Variants in EXOG observed in about 807,000 individuals in gnomAD.
The protein encoded by EXOG is exo/endonuclease G, also known as nuclease EXOG, mitochondrial.
In EXOG, 27 loss-of-function variants were observed where a neutral mutation model predicts 25.8. The observed-to-expected ratio is 1.05, with a 90% confidence interval of 0.77 to 1.45. EXOG has a LOEUF of 1.45. Ranked by LOEUF, EXOG falls within the 40% of genes most tolerant of loss-of-function variation. The pLI, the probability that EXOG is intolerant of heterozygous loss-of-function variation, is 0.00. For missense variants in EXOG, 458 were observed against 450.5 expected (o/e 1.02, Z -0.15); for synonymous variants, 133 against 167.0 (o/e 0.80, Z 1.57).
chr3:38,524,420 C>CT lies in EXOG; in HGVS notation c.*59dup. Reference sequence around the variant, plus strand: ...ATGAAGCAGGCATGCCCTCTTTAGGCTAACATATTTTAGTGGCTTTGCTTT... The same window carrying CT: ...ATGAAGCAGGCATGCCCTCTTTAGGCTTAACATATTTTAGTGGCTTTGCTTT... On this transcript the variant is annotated 3_prime_UTR_variant, in exon 6 of 6. Coordinates refer to ENST00000287675, the MANE Select transcript of EXOG (RefSeq NM_005107.4). The CT allele has an allele frequency of 6.6e-7, 1 of 1,514,828 alleles. No homozygotes were observed. Among genetic ancestry groups the CT allele is most frequent in the Non-Finnish European group, 8.8e-7 (1 of 1,135,810 alleles). 93.8% of individuals were successfully genotyped at this position (1,514,828 alleles called of 1,614,324 possible). A position where few individuals can be genotyped will look rare whatever the true frequency, so the allele number is the denominator to read the frequency against.
At chr3:38,500,486 C>T (rs896064028) in intron 2 of EXOG, among the ~76,000 whole-genome samples, 37 of 152,096 alleles carry the variant, frequency 2.4e-4, no homozygotes, top group Non-Finnish European at 3.8e-4. Flanking sequence ...TAAAGTGATT[C>T]TAAAAAGCTA....
chr3:38,509,794 A>G (rs780484217), intron 5 of EXOG, among the ~76,000 whole-genome samples: 1 of 152,228 alleles, frequency 6.6e-6, no homozygotes, highest in African/African-American at 2.4e-5. Context: ...ATAAGAATAC[A>G]TACTCAATAA....
At chr3:38,513,766 TTACTAGGTACCTGGTGCTG>T (rs1325883494) in intron 5 of EXOG, 1 of 152,222 alleles carries the variant, frequency 6.6e-6, no homozygotes, top group African/African-American at 2.4e-5. Flanking sequence ...AACTAAGCTT[TTACTAGGTACCTGGTGCTG>T]TTCTGGGTGC....
intron 5 of EXOG, among the ~76,000 whole-genome samples, chr3:38,518,277 C>T (rs1035350033): frequency 5.9e-5 from 9 of 152,104 alleles, no homozygotes; most frequent in African/African-American, 2.2e-4. Flanking sequence ...GGCCTGGTGG[C>T]AGAAACTTCA....
At chr3:38,523,150 T>C (rs767256347) in intron 5 of EXOG, 1 of 1,257,500 alleles carries the variant, frequency 8.0e-7, no homozygotes, top group South Asian at 1.2e-5. Flanking sequence ...TTTCATAAAC[T>C]AAGGCCATGT....
chr3:38,497,601 C>T, intron 1 of EXOG, 28 bp from the exon 2 acceptor site: 2 of 1,510,790 alleles, frequency 1.3e-6, no homozygotes, highest in East Asian at 2.4e-5. Context: ...GTCTCTGCCC[C>T]CCCTTTTTTT....
intron 5 of EXOG, chr3:38,515,553 G>A (rs1575658288): frequency 1.0e-5 from 2 of 191,230 alleles, no homozygotes. Flanking sequence ...TGAGGAACTC[G>A]AAGAAGTGGG....
intron 2 of EXOG, chr3:38,499,817 A>C (rs2059994499): frequency 2.7e-6 from 1 of 376,654 alleles, no homozygotes. Context: ...AAGAGCCAGC[A>C]GCATAGTGGC....
intron 2 of EXOG, chr3:38,500,301 A>AAGT (rs1477190866): frequency 1.3e-5 from 2 of 152,222 alleles, no homozygotes; most frequent in Non-Finnish European, 2.9e-5. Context: ...TTACAGCAGT[A>AAGT]AATTTATATC....
At chr3:38,507,039 T>A in intron 5 of EXOG, 71 bp downstream of exon 5, 3 of 653,350 alleles carry the variant, frequency 4.6e-6, no homozygotes. Flanking sequence ...TTCTGCTTTT[T>A]ATTTTTATTT....
intron 5 of EXOG, among the ~76,000 whole-genome samples, chr3:38,519,078 G>C (rs2060632820): frequency 6.6e-6 from 1 of 152,164 alleles, no homozygotes; most frequent in Non-Finnish European, 1.5e-5. Flanking sequence ...AAAAATAACA[G>C]AAAATGGGCC....
intron 5 of EXOG, among the ~76,000 whole-genome samples, chr3:38,519,725 G>T (rs1263653622): frequency 6.6e-6 from 1 of 152,144 alleles, no homozygotes; most frequent in Non-Finnish European, 1.5e-5. Flanking sequence ...TGACTTAGTA[G>T]GCTGCTACCC....
At chr3:38,496,587 A>T in intron 1 of EXOG, 57 bp downstream of exon 1, 1 of 1,569,488 alleles carries the variant, frequency 6.4e-7, no homozygotes, top group Non-Finnish European at 8.6e-7. Context: ...TCCGACTCCT[A>T]CCTGGAGTGT....
rs770911980 is a variant in EXOG, at chr3:38,497,706, G to A, written c.241G>A (p.Ala81Thr). 9.9e-6 allele frequency: 16 copies of A among 1,608,276 alleles called. No homozygotes were observed. Among genetic ancestry groups the A allele is most frequent in the South Asian group, 3.3e-5 (3 of 89,908 alleles). The change falls in exon 2 of 6, where the codon GCT (alanine) becomes ACT (threonine). Residue 81 changes from alanine (A) to threonine (T), a missense_variant. Ala to Thr is a moderately conservative substitution (Grantham distance 58). This residue lies in a region of EXOG where 275 missense variants were observed against 230.5 expected (regional missense o/e 1.19). Coordinates refer to ENST00000287675, the MANE Select transcript of EXOG (RefSeq NM_005107.4). ...AGAGGCAAGGTGTTACACTAATCAC[G>A]CTTTGTCTTATGATCAGGCAAAGCG... The part of the protein sequence containing the change: ...GTEARCYTNH[A>T]LSYDQAKRVP...
intron 5 of EXOG, chr3:38,519,286 T>C (rs765437828): frequency 3.3e-5 from 5 of 152,224 alleles, no homozygotes; most frequent in Non-Finnish European, 7.3e-5. Flanking sequence ...GTGCTTTCTC[T>C]GATGTTCCTG....
chr3:38,510,203 T>A (rs1332337539), intron 5 of EXOG, among the ~76,000 whole-genome samples: 1 of 152,146 alleles, frequency 6.6e-6, no homozygotes, highest in African/African-American at 2.4e-5. Context: ...TGACTTCTAC[T>A]TTACAAAAGT....
At chr3:38,503,767 A>G (rs967046521) in intron 4 of EXOG, 76 bp downstream of exon 4, 8 of 847,882 alleles carry the variant, frequency 9.4e-6, no homozygotes, top group Middle Eastern at 2.3e-4. Flanking sequence ...TGATGTGCCT[A>G]TTAGCTGTTT....
intron 2 of EXOG, chr3:38,501,040 T>C (rs992951372): frequency 4.9e-6 from 1 of 205,202 alleles, no homozygotes; most frequent in African/African-American, 2.3e-5. Context: ...AAGCTTTTTA[T>C]ATAGTTTAGT....
At chr3:38,509,993 T>C (rs967393434) in intron 5 of EXOG, among the ~76,000 whole-genome samples, 2 of 152,172 alleles carry the variant, frequency 1.3e-5, no homozygotes, top group Non-Finnish European at 2.9e-5. Flanking sequence ...TTACATAATC[T>C]AAAAGTATCT....
Sources: allele counts gnomAD v4.1 joint callset (sites outside exome capture counted in the v4.1 genomes callset), GRCh38; gene constraint gnomAD v4.1.1; regional missense constraint gnomAD v4.1.1; transcripts MANE v1.5; gene names NCBI Gene and HGNC (gene_info 2026-07-23, HGNC 2026-07-21).